The following FER variants were observed in gnomAD, a reference collection of about 807,000 sequenced individuals.
The protein encoded by FER is tyrosine-protein kinase Fer.
Under a neutral mutation model 111.0 loss-of-function variants are expected in FER, and 63 were observed. The ratio of observed to expected loss-of-function variants is 0.57; its 90% CI spans 0.46 to 0.70. FER has a LOEUF of 0.70. FER is among the 30% of genes least tolerant of loss of function. FER has a pLI of 0.00. For synonymous variants in FER, 327 were observed against 313.9 expected, an observed-to-expected ratio of 1.04 and a Z score of -0.44; for missense variants, 914 against 954.0, an observed-to-expected ratio of 0.96 and a Z score of 0.55.
chr5:109,101,944 C>G (rs969157065), intron 17 of FER, among the ~76,000 whole-genome samples: 2 of 152,114 alleles, frequency 1.3e-5, no homozygotes, highest in African/African-American at 4.8e-5. Flanking sequence ...GGGCTTTAAA[C>G]TGTAATAAAT....
intron 17 of FER, among the ~76,000 whole-genome samples, chr5:109,129,000 T>A (rs902841977): frequency 2.0e-5 from 3 of 152,020 alleles, no homozygotes; most frequent in African/African-American, 7.2e-5. Flanking sequence ...ATTTTTAGTG[T>A]ATGTGGAAAT....
intron 5 of FER, among the ~76,000 whole-genome samples, chr5:108,860,158 G>T (rs1763379057): frequency 6.6e-6 from 1 of 151,858 alleles, no homozygotes; most frequent in Admixed American, 6.6e-5. Context: ...GGCCAGGCTG[G>T]TCTCAAACTC....
At chr5:108,879,701 A>AAAATATATATATATATATATATATATAT in intron 8 of FER, among the ~76,000 whole-genome samples, 10 of 99,094 alleles carry the variant, frequency 1.0e-4, no homozygotes, top group South Asian at 3.1e-4. Flanking sequence ...ATTAAAAAAA[A>AAAATATATATATATATATATATATATAT]ATATATATAT....
At chr5:109,087,647 T>C (rs1777710408) in intron 16 of FER, among the ~76,000 whole-genome samples, 1 of 2,948 alleles carries the variant, frequency 3.4e-4, no homozygotes, top group East Asian at 3.3e-3. Flanking sequence ...GTAATCCTCA[T>C]TGGAAAAAAA....
intron 16 of FER, among the ~76,000 whole-genome samples, chr5:109,095,728 G>A (rs1157559696): frequency 2.6e-5 from 4 of 152,020 alleles, no homozygotes; most frequent in African/African-American, 9.7e-5. Context: ...ATCACTGCTG[G>A]TTAAAAAGCA....
chr5:108,819,233 C>T lies in FER; in HGVS notation c.208-13537C>T, dbSNP rs1022329052. On this transcript the variant is annotated intron_variant, in intron 3 of 19. Coordinates refer to ENST00000281092, the MANE Select transcript of FER (RefSeq NM_005246.4). ...AGCTGGGATCTGACTCTTTTGCCCACGCTCGTCTTGAACTTTTGGGCTCAA... is the reference window on the plus strand; with the variant it reads ...AGCTGGGATCTGACTCTTTTGCCCATGCTCGTCTTGAACTTTTGGGCTCAA... Among the ~76,000 whole-genome samples, 5 of 149,694 alleles carry T rather than the reference C, an allele frequency of 3.3e-5. No homozygotes were observed. In the South Asian group the frequency reaches 6.3e-4, roughly 19 times the overall value.
chr5:109,002,885 C>G (rs1019064298), intron 13 of FER, among the ~76,000 whole-genome samples: 1 of 152,178 alleles, frequency 6.6e-6, no homozygotes, highest in Non-Finnish European at 1.5e-5. Context: ...CACTGGCCAT[C>G]AGAGAAATGC....
At chr5:108,963,909 T>C (rs1759465766) in intron 13 of FER, among the ~76,000 whole-genome samples, 1 of 152,158 alleles carries the variant, frequency 6.6e-6, no homozygotes, top group South Asian at 2.1e-4. Context: ...ATAGCTTGCC[T>C]TTTCCAATAT....
At chr5:108,947,306 T>C (rs1757116059) in intron 11 of FER, among the ~76,000 whole-genome samples, 1 of 152,082 alleles carries the variant, frequency 6.6e-6, no homozygotes, top group African/African-American at 2.4e-5. Flanking sequence ...CCATTTTACA[T>C]TCCCATTAGC....
chr5:108,813,390 G>C (rs953520187), intron 3 of FER, among the ~76,000 whole-genome samples: 3 of 151,984 alleles, frequency 2.0e-5, no homozygotes, highest in Non-Finnish European at 4.4e-5. Flanking sequence ...CTAGGGTCTT[G>C]TTGACCTTTT....
intron 10 of FER, among the ~76,000 whole-genome samples, chr5:108,928,152 G>A (rs929468166): frequency 6.6e-6 from 1 of 152,180 alleles, no homozygotes; most frequent in Admixed American, 6.5e-5. Context: ...TTTTTAGAAG[G>A]TGCTTGCTCC....
At chr5:109,077,233 A>G (rs887859945) in intron 16 of FER, among the ~76,000 whole-genome samples, 8 of 152,252 alleles carry the variant, frequency 5.3e-5, no homozygotes, top group African/African-American at 1.7e-4. Context: ...AGGAGTCATC[A>G]AGAGCTATTC....
rs1289860006 is a variant in FER, at chr5:109,105,451, G to A, written c.2048+4932G>A. Among the ~76,000 whole-genome samples, 3 of 151,822 alleles carry A rather than the reference G, an allele frequency of 2.0e-5. No individual in the cohort carries two copies. In the East Asian group the frequency reaches 5.8e-4, roughly 29 times the overall value. ...ACTGAAAAAGTATTTTGTCCTTGGTGCACCTTCAAATCATTTAAATGGTAA... is the reference window on the plus strand; with the variant it reads ...ACTGAAAAAGTATTTTGTCCTTGGTACACCTTCAAATCATTTAAATGGTAA... On this transcript the variant is annotated intron_variant, in intron 17 of 19. Transcript: ENST00000281092.
chr5:109,000,832 G>A (rs1329740378), intron 13 of FER, among the ~76,000 whole-genome samples: 2 of 151,972 alleles, frequency 1.3e-5, no homozygotes, highest in Non-Finnish European at 2.9e-5. Context: ...ATCACCACCT[G>A]TCCCACAGAA....
At chr5:108,913,634 C>G (rs1222053686) in intron 10 of FER, among the ~76,000 whole-genome samples, 1 of 152,176 alleles carries the variant, frequency 6.6e-6, no homozygotes, top group African/African-American at 2.4e-5. Context: ...CACCCTGTGA[C>G]TCAGTATATC....
intron 10 of FER, among the ~76,000 whole-genome samples, chr5:108,920,464 ATAATCT>A (rs144404185): frequency 3.7e-3 from 569 of 152,216 alleles, no homozygotes; most frequent in Non-Finnish European, 5.8e-3. Context: ...AATTACACTG[ATAATCT>A]TAAATTTAAC....
At chr5:108,847,629 G>A (rs1411811535) in intron 5 of FER, among the ~76,000 whole-genome samples, 1 of 151,940 alleles carries the variant, frequency 6.6e-6, no homozygotes, top group Admixed American at 6.6e-5. Flanking sequence ...CCATAATTGT[G>A]GATTTGTGTA....
intron 8 of FER, among the ~76,000 whole-genome samples, chr5:108,879,548 A>G (rs1765427387): frequency 6.6e-6 from 1 of 151,464 alleles, no homozygotes; most frequent in South Asian, 2.1e-4. Context: ...CTATTCTTAC[A>G]TTTGTTATGT....
Position 109,196,188 on chromosome 5 carries a change from T to C in FER, c.*8613T>C, listed in dbSNP as rs1182929081. On this transcript the variant is annotated 3_prime_UTR_variant, in exon 20 of 20. Transcript: ENST00000281092. ...CATTTGACTGTGGGTGGCCCTCTAG[T>C]CTAGGGCTCTCTTAGTGAATGGTTG... is the stretch of plus-strand genomic sequence containing the variant. 1 of 152,218 alleles carries C rather than the reference T, an allele frequency of 6.6e-6. No individual in the cohort carries two copies. Among genetic ancestry groups the C allele is most frequent in the Admixed American group, 6.5e-5 (1 of 15,280 alleles). 9.4% of individuals were successfully genotyped at this position (152,218 alleles called of 1,614,324 possible).
Sources: gnomAD v4.1 joint callset for allele counts (sites outside exome capture counted in the v4.1 genomes callset) on GRCh38, gnomAD v4.1.1 for gene constraint, MANE v1.5 for transcripts, NCBI Gene and HGNC (gene_info 2026-07-23, HGNC 2026-07-21) for gene names.